The following SOX5 variants were observed in gnomAD, a reference collection of about 807,000 sequenced individuals.
SOX5 encodes the protein transcription factor SOX-5.
A neutral mutation model predicts 92.0 loss-of-function variants in SOX5; 9 were observed. That is an observed-to-expected ratio of 0.10 (90% confidence interval 0.06 to 0.17). The LOEUF (loss-of-function observed/expected upper bound fraction) is 0.17. SOX5 is among the 10% of genes least tolerant of loss of function. The pLI is 1.00. For missense variants in SOX5, 642 were observed against 944.5 expected (o/e 0.68, Z 4.20); for synonymous variants, 344 against 336.3 (o/e 1.02, Z -0.25).
At chr12:23,662,830 G>A (rs1236271983) in intron 7 of SOX5, among the ~76,000 whole-genome samples, 1 of 152,180 alleles carries the variant, frequency 6.6e-6, no homozygotes, top group Non-Finnish European at 1.5e-5. Context: ...TAAATGGATT[G>A]ATGAAAAGTA....
At chr12:23,586,512 C>T (rs182414796) in intron 9 of SOX5, among the ~76,000 whole-genome samples, 212 of 151,988 alleles carry the variant, frequency 1.4e-3, no homozygotes, top group Middle Eastern at 0.01. Flanking sequence ...TCATTTCGTT[C>T]GGATTATTTA....
chr12:23,863,425 G>A (rs2096777224), intron 2 of SOX5, among the ~76,000 whole-genome samples: 1 of 152,068 alleles, frequency 6.6e-6, no homozygotes, highest in South Asian at 2.1e-4. Context: ...TACACACAGA[G>A]AAAATGAGTT....
chr12:23,888,538 A>G (rs1453085907), intron 2 of SOX5, among the ~76,000 whole-genome samples: 1 of 152,172 alleles, frequency 6.6e-6, no homozygotes, highest in East Asian at 1.9e-4. Flanking sequence ...TCAGTTTAAC[A>G]TTTGACTCCT....
intron 4 of SOX5, among the ~76,000 whole-genome samples, chr12:24,092,986 T>C (rs1173768197): frequency 6.6e-6 from 1 of 152,004 alleles, no homozygotes; most frequent in Non-Finnish European, 1.5e-5. Context: ...GCCCCAAGGA[T>C]CCAAGCAGTC....
At chr12:24,512,815 C>A (rs147528525) in intron 1 of SOX5, among the ~76,000 whole-genome samples, 1 of 152,144 alleles carries the variant, frequency 6.6e-6, no homozygotes, top group East Asian at 1.9e-4. Flanking sequence ...TCAAGGAGAA[C>A]CTGTCAACCA....
chr12:23,920,024 T>G (rs2138780218), intron 1 of SOX5: 1 of 152,274 alleles, frequency 6.6e-6, no homozygotes, highest in Non-Finnish European at 1.5e-5. Context: ...CTCTGTTATA[T>G]ATCTCATCTA....
At chr12:24,260,530 T>C (rs1941935896) in intron 3 of SOX5, among the ~76,000 whole-genome samples, 1 of 152,196 alleles carries the variant, frequency 6.6e-6, no homozygotes, top group South Asian at 2.1e-4. Flanking sequence ...TTAATGAGTA[T>C]AGTACAGGGG....
At chr12:23,755,947 T>C (rs1003139416) in intron 3 of SOX5, among the ~76,000 whole-genome samples, 2 of 151,866 alleles carry the variant, frequency 1.3e-5, no homozygotes, top group Admixed American at 6.6e-5. Flanking sequence ...GCCATACTGA[T>C]TCTTTATGAC....
At chr12:24,488,587 GA>G (rs148667773) in intron 1 of SOX5, among the ~76,000 whole-genome samples, 2 of 151,874 alleles carry the variant, frequency 1.3e-5, no homozygotes, top group African/African-American at 4.8e-5. Flanking sequence ...TCCTGTCTCA[GA>G]AAAAAAATCT....
At chr12:23,921,503 GT>G (rs1283843850) in intron 1 of SOX5, among the ~76,000 whole-genome samples, 2 of 152,086 alleles carry the variant, frequency 1.3e-5, no homozygotes, top group Non-Finnish European at 2.9e-5. Context: ...AAGCTGAGGT[GT>G]TTCCCTTAGA....
chr12:23,802,487 C>T (rs528420232), intron 3 of SOX5, among the ~76,000 whole-genome samples: 3 of 151,712 alleles, frequency 2.0e-5, no homozygotes, highest in South Asian at 2.1e-4. Context: ...CCATCCCATT[C>T]GTTGTAATTT....
chr12:24,110,695 C>G (rs986868157), intron 4 of SOX5, among the ~76,000 whole-genome samples: 15 of 151,638 alleles, frequency 9.9e-5, no homozygotes, highest in African/African-American at 3.6e-4. Context: ...ACCATCCTGG[C>G]TAACATGGTG....
chr12:24,059,835 G>C (rs1939323500), intron 4 of SOX5, among the ~76,000 whole-genome samples: 1 of 152,184 alleles, frequency 6.6e-6, no homozygotes, highest in Admixed American at 6.5e-5. Flanking sequence ...GAAGATTCCA[G>C]GTACTGTGAA....
intron 1 of SOX5, among the ~76,000 whole-genome samples, chr12:24,528,587 C>A (rs1321586608): frequency 6.6e-6 from 1 of 152,180 alleles, no homozygotes. Flanking sequence ...TATCACTATC[C>A]CTTGGAAAAC....
chr12:23,790,546 T>A (rs61925722), intron 3 of SOX5, among the ~76,000 whole-genome samples: 993 of 75,970 alleles, frequency 0.013, 7 homozygotes, highest in Middle Eastern at 0.026. Context: ...TCTCTCAATC[T>A]CTCACACACA....
At chr12:24,380,600 T>G (rs1308061804) in intron 1 of SOX5, among the ~76,000 whole-genome samples, 2 of 152,226 alleles carry the variant, frequency 1.3e-5, no homozygotes, top group African/African-American at 2.4e-5. Context: ...TTCAACCCAT[T>G]TGGTTCCAGC....
At chr12:23,998,217 T>C (rs963631277) in intron 4 of SOX5, among the ~76,000 whole-genome samples, 3 of 152,082 alleles carry the variant, frequency 2.0e-5, no homozygotes, top group Non-Finnish European at 4.4e-5. Flanking sequence ...TGGCAATGAT[T>C]GATCAAACAT....
At chr12:24,143,499 A>T (rs1950778101) in intron 4 of SOX5, among the ~76,000 whole-genome samples, 1 of 152,178 alleles carries the variant, frequency 6.6e-6, no homozygotes, top group Non-Finnish European at 1.5e-5. Flanking sequence ...AAGCATGGAA[A>T]ATTTAAAGAC....
At chr12:23,606,336 G>A (rs1433633291) in intron 8 of SOX5, among the ~76,000 whole-genome samples, 1 of 151,476 alleles carries the variant, frequency 6.6e-6, no homozygotes, top group African/African-American at 2.4e-5. Flanking sequence ...ATATTGTATT[G>A]TATATTGTAT....
Sources: gnomAD v4.1 joint callset for allele counts (sites outside exome capture counted in the v4.1 genomes callset) on GRCh38, gnomAD v4.1.1 for gene constraint, MANE v1.5 for transcripts, NCBI Gene and HGNC (gene_info 2026-07-23, HGNC 2026-07-21) for gene names.